Variants in BCAR3 observed in about 807,000 individuals in gnomAD.
BCAR3 encodes the protein breast cancer anti-estrogen resistance protein 3.
In BCAR3, 37 loss-of-function variants were observed where a neutral mutation model predicts 80.1. The ratio of observed to expected loss-of-function variants is 0.46; its 90% CI spans 0.36 to 0.61. The LOEUF (loss-of-function observed/expected upper bound fraction) is 0.61. Ranked by LOEUF, BCAR3 falls within the 20% of genes least tolerant of loss-of-function variation. BCAR3 has a pLI of 0.00. For missense variants in BCAR3, 978 were observed against 1,068.2 expected, an observed-to-expected ratio of 0.92 and a Z score of 1.18; for synonymous variants, 389 against 418.9, an observed-to-expected ratio of 0.93 and a Z score of 0.87.
chr1:93,804,002 T>A (rs1050129400), intron 2 of BCAR3, among the ~76,000 whole-genome samples: 9 of 152,202 alleles, frequency 5.9e-5, no homozygotes, highest in African/African-American at 2.2e-4. Context: ...AAAGTGGCCA[T>A]AAGTACATGT....
intron 2 of BCAR3, among the ~76,000 whole-genome samples, chr1:93,763,420 A>G (rs755827922): frequency 9.9e-5 from 15 of 152,210 alleles, no homozygotes; most frequent in Non-Finnish European, 2.1e-4. Flanking sequence ...AAGTGCTTAC[A>G]TGCAAAATGT....
At chr1:93,661,965 A>G (rs1168855561) in intron 2 of BCAR3, among the ~76,000 whole-genome samples, 2 of 152,198 alleles carry the variant, frequency 1.3e-5, no homozygotes, top group Non-Finnish European at 2.9e-5. Flanking sequence ...TAAGGCTGAC[A>G]CTCATTTTAT....
intron 2 of BCAR3, among the ~76,000 whole-genome samples, chr1:93,664,293 A>G (rs1647797118): frequency 6.6e-6 from 1 of 152,074 alleles, no homozygotes. Context: ...CTAATTTTGT[A>G]TTTTTAGTAG....
chr1:93,653,922 C>T (rs1372392625), intron 2 of BCAR3, among the ~76,000 whole-genome samples: 3 of 152,206 alleles, frequency 2.0e-5, no homozygotes, highest in African/African-American at 4.8e-5. Context: ...GAGCGCAGGC[C>T]ACCATCATCT....
chr1:93,787,603 C>A (rs1463407861), intron 2 of BCAR3, among the ~76,000 whole-genome samples: 1 of 152,122 alleles, frequency 6.6e-6, no homozygotes, highest in African/African-American at 2.4e-5. Context: ...ATTTAATTTT[C>A]ATGTATCTGC....
At chr1:93,575,735 A>G (rs940749569) in intron 8 of BCAR3, among the ~76,000 whole-genome samples, 3 of 152,146 alleles carry the variant, frequency 2.0e-5, no homozygotes, top group Non-Finnish European at 4.4e-5. Context: ...ACACAGGCCA[A>G]TTGAGTCACT....
At chr1:93,610,915 C>T (rs1674928352) in intron 3 of BCAR3, among the ~76,000 whole-genome samples, 2 of 150,462 alleles carry the variant, frequency 1.3e-5, no homozygotes, top group Admixed American at 6.6e-5. Context: ...TGGGCAACTA[C>T]GTCTCAAAAA....
chr1:93,755,110 A>G, intron 2 of BCAR3, among the ~76,000 whole-genome samples: 1 of 152,342 alleles, frequency 6.6e-6, no homozygotes, highest in East Asian at 1.9e-4. Context: ...AATTTTAAAA[A>G]TAGAAAAAAG....
intron 3 of BCAR3, among the ~76,000 whole-genome samples, chr1:93,613,307 A>G (rs1675009419): frequency 6.6e-6 from 1 of 152,242 alleles, no homozygotes; most frequent in Non-Finnish European, 1.5e-5. Flanking sequence ...CATATTATAC[A>G]AAGCTCTTGG....
chr1:93,639,628 C>A (rs939330809), intron 3 of BCAR3, among the ~76,000 whole-genome samples: 12 of 152,090 alleles, frequency 7.9e-5, no homozygotes, highest in Admixed American at 7.9e-4. Flanking sequence ...AGATGCCCGC[C>A]ACCACACCCG....
intron 3 of BCAR3, among the ~76,000 whole-genome samples, chr1:93,596,493 G>A (rs879804956): frequency 1.3e-5 from 2 of 152,190 alleles, no homozygotes; most frequent in Admixed American, 1.3e-4. Context: ...GCAAGGGACA[G>A]CAGGCATTGT....
At chr1:93,596,154 C>A (rs1017958388) in intron 3 of BCAR3, among the ~76,000 whole-genome samples, 2 of 152,300 alleles carry the variant, frequency 1.3e-5, no homozygotes, top group African/African-American at 4.8e-5. Flanking sequence ...AAGAATCCTC[C>A]TGCCCTTCCT....
intron 2 of BCAR3, among the ~76,000 whole-genome samples, chr1:93,664,907 A>G (rs985721526): frequency 9.2e-5 from 14 of 152,008 alleles, no homozygotes; most frequent in African/African-American, 2.7e-4. Flanking sequence ...CCTTCCTCCA[A>G]TCCCACCAGT....
intron 3 of BCAR3, among the ~76,000 whole-genome samples, chr1:93,620,414 G>C (rs1037824796): frequency 1.3e-5 from 2 of 152,158 alleles, no homozygotes; most frequent in Admixed American, 6.5e-5. Context: ...TGTATCCACA[G>C]CATCTGCTCA....
At chr1:93,736,594 T>C (rs1650979988) in intron 2 of BCAR3, among the ~76,000 whole-genome samples, 1 of 152,182 alleles carries the variant, frequency 6.6e-6, no homozygotes, top group East Asian at 1.9e-4. Flanking sequence ...TGTGATTCCT[T>C]TGCATAATAT....
chr1:93,775,364 T>C (rs1363621409), intron 2 of BCAR3: 2 of 152,228 alleles, frequency 1.3e-5, no homozygotes, highest in South Asian at 2.1e-4. Flanking sequence ...GTGCTCTCCA[T>C]AGAGAGGCAC....
intron 3 of BCAR3, among the ~76,000 whole-genome samples, chr1:93,630,991 T>C (rs1261102090): frequency 6.6e-6 from 1 of 152,254 alleles, no homozygotes; most frequent in Non-Finnish European, 1.5e-5. Flanking sequence ...CCAAGACCAA[T>C]TACCACAAAC....
At chr1:93,628,067 C>T (rs1675504073) in intron 3 of BCAR3, among the ~76,000 whole-genome samples, 1 of 152,112 alleles carries the variant, frequency 6.6e-6, no homozygotes. Flanking sequence ...CATTATGTGA[C>T]ACTGAATCAT....
At chr1:93,796,619 C>T (rs1204417437) in intron 2 of BCAR3, among the ~76,000 whole-genome samples, 6 of 152,082 alleles carry the variant, frequency 3.9e-5, no homozygotes, top group Non-Finnish European at 7.3e-5. Context: ...CTGTCTTCTG[C>T]GTCGCTCACG....
Sources: allele counts gnomAD v4.1 joint callset (sites outside exome capture counted in the v4.1 genomes callset), GRCh38; gene constraint gnomAD v4.1.1; transcripts MANE v1.5; gene names NCBI Gene and HGNC (gene_info 2026-07-23, HGNC 2026-07-21).